The following FAT3 variants were observed in gnomAD, a reference collection of about 807,000 sequenced individuals.
FAT3 encodes FAT atypical cadherin 3, also known as protocadherin Fat 3.
Under a neutral mutation model 310.2 loss-of-function variants are expected in FAT3, and 95 were observed. The ratio of observed to expected loss-of-function variants is 0.31; its 90% confidence interval spans 0.26 to 0.36. The LOEUF (loss-of-function observed/expected upper bound fraction) is 0.36, where lower values mean the gene tolerates loss of function less well. FAT3 is among the 10% of genes least tolerant of loss of function. The probability of loss-of-function intolerance (pLI) is 1.00; values close to 1 mark genes in which losing one functional copy is unlikely to be tolerated. For synonymous variants in FAT3, 2,314 were observed against 2,192.9 expected (o/e 1.06, Z -1.54); for missense variants, 5,408 against 5,715.6 (o/e 0.95, Z 1.74).
chr11:92,416,858 C>T (rs1950428027), intron 2 of FAT3, among the ~76,000 whole-genome samples: 1 of 152,116 alleles, frequency 6.6e-6, no homozygotes, highest in South Asian at 2.1e-4. Flanking sequence ...CTGTCCACAT[C>T]CTGCTGGGAA....
At chr11:92,483,342 C>A (rs1465907474) in intron 2 of FAT3, among the ~76,000 whole-genome samples, 11 of 147,960 alleles carry the variant, frequency 7.4e-5, no homozygotes, top group Admixed American at 5.4e-4. Flanking sequence ...TTTTCTTTTT[C>A]TTTTATTTTT....
intron 1 of FAT3, among the ~76,000 whole-genome samples, chr11:92,281,038 A>G (rs1227549135): frequency 6.6e-6 from 1 of 152,182 alleles, no homozygotes; most frequent in Non-Finnish European, 1.5e-5. Flanking sequence ...AGCAAAAAAT[A>G]CTGTATTTGA....
At chr11:92,693,816 T>C (rs1389467226) in intron 3 of FAT3, among the ~76,000 whole-genome samples, 2 of 152,224 alleles carry the variant, frequency 1.3e-5, no homozygotes, top group Admixed American at 6.5e-5. Flanking sequence ...CTACCAGTTG[T>C]TGCTGTAACC....
intron 2 of FAT3, among the ~76,000 whole-genome samples, chr11:92,490,121 T>A (rs1376339201): frequency 1.3e-5 from 2 of 152,134 alleles, no homozygotes; most frequent in African/African-American, 4.8e-5. Flanking sequence ...TATACTTTTT[T>A]AAGAATTAGT....
Position 92,239,014 on chromosome 11 carries a change from A to T in FAT3, c.-18+13840A>T, listed in dbSNP as rs1230891644. On this transcript the variant is annotated intron_variant, in intron 1 of 27. Coordinates refer to ENST00000525166, the MANE Select transcript of FAT3 (RefSeq NM_001367949.2). ...CAACTAACATTGCTGAGAGCTTTACATGTATTATCTCATTTATCCCCCAAC... is the reference window on the plus strand; with the variant it reads ...CAACTAACATTGCTGAGAGCTTTACTTGTATTATCTCATTTATCCCCCAAC... Among the ~76,000 whole-genome samples, 4 of 152,126 alleles carry T rather than the reference A, an allele frequency of 2.6e-5. No individual in the cohort carries two copies. In the East Asian group the frequency reaches 7.7e-4, roughly 29 times the overall value.
rs1271927208 is a variant in FAT3, at chr11:92,353,334, G to C, written c.1222G>C (p.Glu408Gln). The C allele has an allele frequency of 6.2e-7, 1 of 1,613,560 alleles. No homozygotes were observed. Among genetic ancestry groups the C allele is most frequent in the Admixed American group, 1.7e-5 (1 of 59,890 alleles). ...VKLSPEPIDV[E>Q]YKLSPGEDAV... ...ATTAAGTCCTGAACCGATAGATGTG[G>C]AATACAAATTATCTCCTGGTGAGGA... Residue 408 changes from glutamate to glutamine, a missense_variant, in exon 2 of 28, where the codon GAA becomes CAA. Coordinates refer to ENST00000525166, the MANE Select transcript of FAT3 (RefSeq NM_001367949.2).
At chr11:92,423,553 G>A (rs901294289) in intron 2 of FAT3, among the ~76,000 whole-genome samples, 2 of 152,132 alleles carry the variant, frequency 1.3e-5, no homozygotes, top group African/African-American at 2.4e-5. Flanking sequence ...AACAACTGGT[G>A]TAACCACACT....
At chr11:92,769,958 G>A (rs541089148) in intron 6 of FAT3, among the ~76,000 whole-genome samples, 1 of 152,342 alleles carries the variant, frequency 6.6e-6, no homozygotes, top group Non-Finnish European at 1.5e-5. Flanking sequence ...CAGCAGCCTT[G>A]TTCTTCAACT....
At chr11:92,424,404 A>G (rs1950588923) in intron 2 of FAT3, among the ~76,000 whole-genome samples, 1 of 152,176 alleles carries the variant, frequency 6.6e-6, no homozygotes, top group Non-Finnish European at 1.5e-5. Context: ...CCAAGGCTAC[A>G]GTGGTTCTCC....
intron 3 of FAT3, among the ~76,000 whole-genome samples, chr11:92,597,065 G>C (rs1030665392): frequency 6.6e-6 from 1 of 152,016 alleles, no homozygotes; most frequent in African/African-American, 2.4e-5. Flanking sequence ...CTTGCACACT[G>C]TATTAATGAA....
Position 92,868,518 on chromosome 11 carries a change from A to G in FAT3, c.12127+1309A>G, listed in dbSNP as rs560019245. Among the ~76,000 whole-genome samples the G allele has an allele frequency of 2.0e-5, 3 of 152,334 alleles. No homozygotes were observed. The South Asian group carries it at 6.2e-4, about 32-fold the overall frequency. Reference sequence around the variant, plus strand: ...CAGCCCATTATGACAAGTCATGGCTAGTTTTTCACCAGGCAAAACAATTCT... The same window carrying G: ...CAGCCCATTATGACAAGTCATGGCTGGTTTTTCACCAGGCAAAACAATTCT... On this transcript the variant is annotated intron_variant, in intron 22 of 27. Coordinates refer to ENST00000525166, the MANE Select transcript of FAT3 (RefSeq NM_001367949.2).
intron 2 of FAT3, among the ~76,000 whole-genome samples, chr11:92,380,072 C>CGTGT (rs34789717): frequency 0.1 from 14,601 of 145,142 alleles, 822 homozygotes; most frequent in East Asian, 0.19. Flanking sequence ...CAAACTGATT[C>CGTGT]GTGTGTGTGT....
At chr11:92,699,419 T>C (rs1208285849) in intron 4 of FAT3, among the ~76,000 whole-genome samples, 1 of 152,246 alleles carries the variant, frequency 6.6e-6, no homozygotes, top group Admixed American at 6.5e-5. Flanking sequence ...TACACTGATT[T>C]GACCTTTACA....
At chr11:92,619,013 T>G (rs992943496) in intron 3 of FAT3, among the ~76,000 whole-genome samples, 3 of 152,180 alleles carry the variant, frequency 2.0e-5, no homozygotes, top group South Asian at 4.1e-4. Context: ...GAGAAAGTTC[T>G]CTTCTATTCT....
chr11:92,832,493 C>T (rs1398122841), intron 14 of FAT3, among the ~76,000 whole-genome samples: 1 of 152,010 alleles, frequency 6.6e-6, no homozygotes, highest in Non-Finnish European at 1.5e-5. Flanking sequence ...CCACAGAGTG[C>T]CCTCCAGCTT....
At chr11:92,403,870 A>G (rs920909824) in intron 2 of FAT3, among the ~76,000 whole-genome samples, 17 of 152,120 alleles carry the variant, frequency 1.1e-4, no homozygotes, top group African/African-American at 3.6e-4. Flanking sequence ...CCCCGTCTCT[A>G]TGAAAAATAC....
chr11:92,276,598 C>T (rs1946279148), intron 1 of FAT3, among the ~76,000 whole-genome samples: 1 of 152,136 alleles, frequency 6.6e-6, no homozygotes, highest in East Asian at 1.9e-4. Context: ...AGGGGAAGAA[C>T]TTCCCCAGGT....
At chr11:92,373,193 A>G (rs1565266955) in intron 2 of FAT3, among the ~76,000 whole-genome samples, 1 of 152,062 alleles carries the variant, frequency 6.6e-6, no homozygotes, top group Non-Finnish European at 1.5e-5. Flanking sequence ...CACCATCACC[A>G]CTATCGTCTA....
intron 1 of FAT3, among the ~76,000 whole-genome samples, chr11:92,286,680 T>C (rs1485294448): frequency 6.6e-6 from 1 of 152,182 alleles, no homozygotes; most frequent in East Asian, 1.9e-4. Context: ...TAGGATAGCA[T>C]AGAAGAAAAC....
Sources: gnomAD v4.1 joint callset for allele counts (sites outside exome capture counted in the v4.1 genomes callset) on GRCh38, gnomAD v4.1.1 for gene constraint, MANE v1.5 for transcripts, NCBI Gene and HGNC (gene_info 2026-07-23, HGNC 2026-07-21) for gene names.